The following CBL variants were observed in gnomAD, a reference collection of about 807,000 sequenced individuals.
CBL encodes Cbl proto-oncogene.
Under a neutral mutation model 96.9 loss-of-function variants are expected in CBL, and 45 were observed. The observed-to-expected ratio is 0.46, with a 90% confidence interval of 0.37 to 0.60. The LOEUF (loss-of-function observed/expected upper bound fraction) is 0.60. Ranked by LOEUF, CBL falls within the 20% of genes least tolerant of loss-of-function variation. The probability of loss-of-function intolerance (pLI) is 0.00; values close to 1 mark genes in which losing one functional copy is unlikely to be tolerated. For synonymous variants in CBL, 420 were observed against 426.8 expected (o/e 0.98, Z 0.20); for missense variants, 1,024 against 1,143.5 (o/e 0.90, Z 1.51).
chr11:119,288,397 G>A lies in CBL; in HGVS notation c.2036+451G>A, dbSNP rs554033643. On this transcript the variant is annotated intron_variant, in intron 12 of 15. Transcript: ENST00000264033. ...CTGGAAGTCTGAGATCAGGGTGCCT[G>A]CATGGTGGCTTTCCGGTGAGGGCTC... 3.3e-5 allele frequency among the ~76,000 whole-genome samples: 5 copies of A among 152,258 alleles called. No individual in the cohort carries two copies. In the South Asian group the frequency reaches 8.3e-4, roughly 25 times the overall value.
chr11:119,277,237 T>TCACACACACACACACACACACACA (rs1478200397), intron 6 of CBL, among the ~76,000 whole-genome samples: 16 of 57,902 alleles, frequency 2.8e-4, no homozygotes, highest in African/African-American at 1.6e-3. Context: ...TAAGAATCTG[T>TCACACACACACACACACACACACA]CGCGCACACA....
At chr11:119,271,701 A>G (rs775127161) in intron 2 of CBL, 34 bp from the exon 3 acceptor site, 1 of 1,587,166 alleles carries the variant, frequency 6.3e-7, no homozygotes, top group Non-Finnish European at 8.6e-7. Flanking sequence ...AAATAATTTT[A>G]TGTGTTTAAT....
intron 12 of CBL, among the ~76,000 whole-genome samples, chr11:119,290,054 A>G (rs1240044246): frequency 6.6e-6 from 1 of 151,620 alleles, no homozygotes; most frequent in East Asian, 2.0e-4. Flanking sequence ...CCCAGCCTAC[A>G]GAGTATTTTA....
intron 12 of CBL, among the ~76,000 whole-genome samples, chr11:119,288,490 G>A (rs1779168819): frequency 7.0e-6 from 1 of 143,122 alleles, no homozygotes; most frequent in South Asian, 2.5e-4. Flanking sequence ...GAGAGAGAGA[G>A]AGAGCACGCA....
intron 1 of CBL, among the ~76,000 whole-genome samples, chr11:119,218,376 A>C (rs1476297298): frequency 6.6e-6 from 1 of 152,182 alleles, no homozygotes; most frequent in Non-Finnish European, 1.5e-5. Context: ...ACCCTCATCC[A>C]CAATTGTGTC....
chr11:119,233,480 C>A (rs553992530), intron 2 of CBL, among the ~76,000 whole-genome samples: 2 of 152,142 alleles, frequency 1.3e-5, no homozygotes, highest in Non-Finnish European at 2.9e-5. Context: ...GTGATCTGCC[C>A]GCTTTGGCCT....
chr11:119,289,757 T>C (rs1185394360), intron 12 of CBL: 1 of 152,192 alleles, frequency 6.6e-6, no homozygotes, highest in Admixed American at 6.5e-5. Flanking sequence ...CATTTATTTA[T>C]TTAAAGATAG....
intron 1 of CBL, among the ~76,000 whole-genome samples, chr11:119,222,344 CT>C (rs1207569077): frequency 1.3e-5 from 2 of 152,038 alleles, no homozygotes; most frequent in African/African-American, 4.8e-5. Flanking sequence ...AGTTTTATTC[CT>C]CTTTATTGTG....
At chr11:119,236,664 G>A (rs1489873062) in intron 2 of CBL, among the ~76,000 whole-genome samples, 1 of 150,000 alleles carries the variant, frequency 6.7e-6, no homozygotes, top group Non-Finnish European at 1.5e-5. Flanking sequence ...GTAATTCTGT[G>A]TTCAACTTTT....
intron 1 of CBL, among the ~76,000 whole-genome samples, chr11:119,216,502 G>T (rs1949361822): frequency 6.6e-6 from 1 of 151,910 alleles, no homozygotes; most frequent in Admixed American, 6.6e-5. Context: ...CTCCCTTGTA[G>T]CTGGGACTAC....
chr11:119,238,735 G>T lies in CBL; in HGVS notation c.443+6040G>T, dbSNP rs531069829. 1.3e-3 allele frequency among the ~76,000 whole-genome samples: 204 copies of T among 152,186 alleles called. 1 individual carries two copies. Among genetic ancestry groups the T allele is most frequent in the Middle Eastern group, 0.01 (3 of 294 alleles). On this transcript the variant is annotated intron_variant, in intron 2 of 15. Coordinates refer to ENST00000264033, the MANE Select transcript of CBL (RefSeq NM_005188.4). ...AATTTCAGCTACTCTGGAGGCTGAG[G>T]CAGGAGAATCTCTTGAACCCAGGAG... is the stretch of plus-strand genomic sequence containing the variant.
At chr11:119,254,791 G>A (rs1056592591) in intron 2 of CBL, among the ~76,000 whole-genome samples, 2 of 151,938 alleles carry the variant, frequency 1.3e-5, no homozygotes, top group East Asian at 1.9e-4. Flanking sequence ...TAGTAGAGAC[G>A]GGGTTTTGCC....
chr11:119,256,889 G>T (rs143892487), intron 2 of CBL, among the ~76,000 whole-genome samples: 16 of 152,196 alleles, frequency 1.1e-4, no homozygotes, highest in African/African-American at 3.9e-4. Context: ...TGCTGGAAAA[G>T]ACATTATTTC....
chr11:119,279,311 G>A (rs975560684), intron 9 of CBL, among the ~76,000 whole-genome samples: 3 of 151,918 alleles, frequency 2.0e-5, no homozygotes, highest in Non-Finnish European at 4.4e-5. Context: ...GCCAGCCTTG[G>A]CAATATAGTG....
At chr11:119,299,431 T>C in intron 15 of CBL, 64 bp from the exon 16 acceptor site, 2 of 1,440,090 alleles carry the variant, frequency 1.4e-6, no homozygotes, top group South Asian at 2.3e-5. Context: ...AGCACATTTT[T>C]ATTGCTGTTG....
chr11:119,261,447 A>G (rs1215285841), intron 2 of CBL, among the ~76,000 whole-genome samples: 3 of 152,184 alleles, frequency 2.0e-5, no homozygotes, highest in Non-Finnish European at 2.9e-5. Flanking sequence ...GACTTTCTAC[A>G]TATTTGATTA....
chr11:119,283,724 G>A (rs1442869998), intron 9 of CBL, among the ~76,000 whole-genome samples: 2 of 131,900 alleles, frequency 1.5e-5, no homozygotes, highest in African/African-American at 2.8e-5. Context: ...TGCAAGCTCC[G>A]CCTCCCGGGT....
chr11:119,263,249 G>T (rs1200716671), intron 2 of CBL, among the ~76,000 whole-genome samples: 1 of 152,170 alleles, frequency 6.6e-6, no homozygotes, highest in Non-Finnish European at 1.5e-5. Flanking sequence ...ACTACATTGT[G>T]AGTGCTTTCA....
At chr11:119,283,600 A>T (rs1949954590) in intron 9 of CBL, among the ~76,000 whole-genome samples, 1 of 145,680 alleles carries the variant, frequency 6.9e-6, no homozygotes, top group African/African-American at 2.5e-5. Context: ...AATTGACAGA[A>T]AATATTAATC....
Sources: allele counts gnomAD v4.1 joint callset (sites outside exome capture counted in the v4.1 genomes callset), GRCh38; gene constraint gnomAD v4.1.1; transcripts MANE v1.5; gene names NCBI Gene and HGNC (gene_info 2026-07-23, HGNC 2026-07-21).